Variants in MPHOSPH9 observed in about 807,000 individuals in gnomAD.
MPHOSPH9 encodes the protein M-phase phosphoprotein 9.
In MPHOSPH9, 88 loss-of-function variants were observed where a neutral mutation model predicts 145.5. The ratio of observed to expected loss-of-function variants is 0.60; its 90% CI spans 0.51 to 0.72. MPHOSPH9 has a LOEUF of 0.72. Ranked by LOEUF, MPHOSPH9 falls within the 30% of genes least tolerant of loss-of-function variation. The pLI is 0.00. For missense variants in MPHOSPH9, 1,238 were observed against 1,386.6 expected, an observed-to-expected ratio of 0.89 and a Z score of 1.70; for synonymous variants, 435 against 486.2, an observed-to-expected ratio of 0.89 and a Z score of 1.39.
upstream of MPHOSPH9, among the ~76,000 whole-genome samples, chr12:123,234,409 TA>T (rs1283926781): frequency 2.8e-5 from 4 of 144,094 alleles, no homozygotes; most frequent in African/African-American, 1.0e-4. Context: ...GGGAGGGGGG[TA>T]GGGGGGACAA....
At chr12:123,180,107 A>C in intron 14 of MPHOSPH9, 117 bp from the exon 15 acceptor site, 1 of 546,060 alleles carries the variant, frequency 1.8e-6, no homozygotes, top group Non-Finnish European at 3.1e-6. Context: ...AACCATACTC[A>C]GCAAGTATGG....
rs553780533 is a variant in MPHOSPH9, at chr12:123,154,407, T to C, written c.*2400A>G. ...CGAAGAGAAAGACAGCAGAAAGAAC[T>C]TTCCTTGGTATCCCTCTTCACAGCT... On this transcript the variant is annotated 3_prime_UTR_variant, in exon 24 of 24. Transcript: ENST00000606320. 2 of 152,282 alleles carry C rather than the reference T, an allele frequency of 1.3e-5. No homozygotes were observed. The highest frequency in any genetic ancestry group is 3.9e-4 in the East Asian group (2 of 5,194). The allele number at this position is 152,282 out of a possible 1,614,324, so 9.4% of individuals were successfully genotyped here.
chr12:123,225,237 A>ATCAT (rs1555232142), intron 3 of MPHOSPH9, among the ~76,000 whole-genome samples: 3 of 151,826 alleles, frequency 2.0e-5, no homozygotes, highest in Non-Finnish European at 1.5e-5. Context: ...TGAGTTCATG[A>ATCAT]GTTCAAGACT....
At chr12:123,237,345 A>C (rs1398705851), upstream of MPHOSPH9, among the ~76,000 whole-genome samples, 2 of 151,958 alleles carry the variant, frequency 1.3e-5, no homozygotes, top group Admixed American at 1.3e-4. Flanking sequence ...CAGGAGAATC[A>C]CTTGAACCTG....
At chr12:123,169,751 C>A (rs1443569793) in intron 16 of MPHOSPH9, among the ~76,000 whole-genome samples, 3 of 151,774 alleles carry the variant, frequency 2.0e-5, no homozygotes, top group East Asian at 4.0e-4. Context: ...CAGGGGCCCA[C>A]CACTGTGCCC....
intron 13 of MPHOSPH9, among the ~76,000 whole-genome samples, chr12:123,191,694 C>T (rs576833438): frequency 2.0e-5 from 3 of 152,192 alleles, no homozygotes; most frequent in South Asian, 2.1e-4. Context: ...TGGAAAAGTA[C>T]AAGATGAGCC....
At chr12:123,153,453 A>T (rs1288187908), downstream of MPHOSPH9, 1 of 152,166 alleles carries the variant, frequency 6.6e-6, no homozygotes, top group African/African-American at 2.4e-5. Flanking sequence ...GACATAATCT[A>T]CTTTTTTATT....
chr12:123,233,426 G>C (rs1013660494), upstream of MPHOSPH9: 1 of 152,268 alleles, frequency 6.6e-6, no homozygotes, highest in South Asian at 2.1e-4. Context: ...AACCGCGATC[G>C]GAGTACGGCG....
rs780536957 is a variant in MPHOSPH9, at chr12:123,202,983, A to C, written c.1422T>G (p.Phe474Leu). 1 of 1,614,192 alleles carries C rather than the reference A, an allele frequency of 6.2e-7. No individual in the cohort carries two copies. The highest frequency in any genetic ancestry group is 8.5e-7 in the Non-Finnish European group (1 of 1,180,036). The change falls in exon 10 of 24, where the codon TTT becomes TTG. Residue 474 changes from phenylalanine (F) to leucine (L), a missense_variant. Around this residue, in one of 3 missense-constraint regions of MPHOSPH9, gnomAD observed 837 missense variants for 897.5 expected, o/e 0.93. Coordinates refer to ENST00000606320, the MANE Select transcript of MPHOSPH9 (RefSeq NM_022782.4). ...TAGGCTCTAGAACAGAGTCCGGGGA[A>C]AAGGATATTCTGTCATCAAGGGCAT... Reference protein sequence around the residue: ...LPNALDDRISFSPDSVLEPSM... With the variant: ...LPNALDDRISLSPDSVLEPSM...
chr12:123,226,347 A>G (rs1305753383), intron 3 of MPHOSPH9: 3 of 1,181,112 alleles, frequency 2.5e-6, no homozygotes, highest in Non-Finnish European at 2.1e-6. Context: ...CGCTTACTCT[A>G]CATTCTGAAA....
At chr12:123,181,106 C>T in intron 14 of MPHOSPH9, 57 bp downstream of exon 14, 1 of 1,494,206 alleles carries the variant, frequency 6.7e-7, no homozygotes. Flanking sequence ...CCCTTGATTC[C>T]CAATCCAATG....
At chr12:123,218,106 T>C (rs907184876) in intron 6 of MPHOSPH9, among the ~76,000 whole-genome samples, 1 of 150,794 alleles carries the variant, frequency 6.6e-6, no homozygotes, top group Non-Finnish European at 1.5e-5. Flanking sequence ...ATGTACCACC[T>C]GTACCACCAC....
At chr12:123,153,529 G>A (rs2043811205), downstream of MPHOSPH9, among the ~76,000 whole-genome samples, 1 of 152,104 alleles carries the variant, frequency 6.6e-6, no homozygotes, top group African/African-American at 2.4e-5. Flanking sequence ...CACTATGGGA[G>A]GCCAAGGCAG....
chr12:123,219,355 T>A (rs1271636019), intron 5 of MPHOSPH9, among the ~76,000 whole-genome samples: 1 of 151,178 alleles, frequency 6.6e-6, no homozygotes, highest in Non-Finnish European at 1.5e-5. Flanking sequence ...TCCCAGCACT[T>A]TGGGAGGCTG....
At chr12:123,156,987 TA>T in intron 23 of MPHOSPH9, 79 bp from the exon 24 acceptor site, 1 of 1,015,134 alleles carries the variant, frequency 9.9e-7, no homozygotes, top group African/African-American at 1.6e-5. Flanking sequence ...ACCTTTCTTT[TA>T]GCAAAAGAGC....
At chr12:123,222,929 T>C in intron 4 of MPHOSPH9, 109 bp downstream of exon 4, 1 of 655,450 alleles carries the variant, frequency 1.5e-6, no homozygotes, top group South Asian at 3.1e-5. Flanking sequence ...AGAGTGAGAC[T>C]CCATTTCTAT....
At chr12:123,196,018 G>A (rs1165757205) in intron 12 of MPHOSPH9, among the ~76,000 whole-genome samples, 2 of 150,612 alleles carry the variant, frequency 1.3e-5, no homozygotes, top group East Asian at 3.9e-4. Flanking sequence ...CTGGGCGATG[G>A]AGTGAGACCC....
chr12:123,167,679 A>G (rs1330862341), intron 16 of MPHOSPH9, among the ~76,000 whole-genome samples: 1 of 152,122 alleles, frequency 6.6e-6, no homozygotes, highest in Non-Finnish European at 1.5e-5. Context: ...ATTTCTTTGG[A>G]GAGTCAGTCT....
chr12:123,206,109 T>A (rs1480976833), intron 8 of MPHOSPH9, among the ~76,000 whole-genome samples: 1 of 151,880 alleles, frequency 6.6e-6, no homozygotes, highest in Non-Finnish European at 1.5e-5. Context: ...CTTGGTGGGC[T>A]AGAGGAAGAT....
Sources: allele counts gnomAD v4.1 joint callset (sites outside exome capture counted in the v4.1 genomes callset), GRCh38; gene constraint gnomAD v4.1.1; regional missense constraint gnomAD v4.1.1; transcripts MANE v1.5; gene names NCBI Gene and HGNC (gene_info 2026-07-23, HGNC 2026-07-21).